Variants in SLC25A53 observed in about 807,000 individuals in gnomAD.
SLC25A53 encodes the protein mitochondrial carrier triple repeat protein 6.
A neutral mutation model predicts 15.0 loss-of-function variants in SLC25A53; 5 were observed. The observed-to-expected ratio is 0.33, with a 90% CI of 0.17 to 0.70. SLC25A53 has a LOEUF of 0.70. SLC25A53 is among the 30% of genes least tolerant of loss of function. The pLI, the probability that SLC25A53 is intolerant of heterozygous loss-of-function variation, is 0.67. For missense variants in SLC25A53, 216 were observed against 241.6 expected, an observed-to-expected ratio of 0.89 and a Z score of 0.70; for synonymous variants, 95 against 100.0, an observed-to-expected ratio of 0.95 and a Z score of 0.30.
At chrX:104,138,547 T>G (rs2075442752) in intron 1 of SLC25A53, among the ~76,000 whole-genome samples, 1 of 112,628 alleles carries the variant, frequency 8.9e-6, no homozygotes, top group Admixed American at 9.3e-5. Context: ...TTTAGCTGCC[T>G]GTAGGCAGCT....
chrX:104,114,803 G>C, intron 1 of SLC25A53: 1 of 1,210,644 alleles, frequency 8.3e-7, no homozygotes, highest in Non-Finnish European at 1.1e-6. Context: ...AAACGGAAGC[G>C]GCCGAAAAGG....
chrX:104,103,375 G>A lies in SLC25A53; in HGVS notation c.*959C>T, dbSNP rs2075290152. On this transcript the variant is annotated 3_prime_UTR_variant, in exon 2 of 2. Transcript: ENST00000594199. ...AGAGAACAATAGTTCATTATGGCTA[G>A]TGTTTGGGGTTTATGTAAGTGGAGT... 9.0e-6 allele frequency: 1 copy of A among 111,675 alleles called. No individual in the cohort carries two copies. Among genetic ancestry groups the A allele is most frequent in the Non-Finnish European group, 1.9e-5 (1 of 53,195 alleles). The allele number at this position is 111,675 out of a possible 1,213,427, so 9.2% of individuals were successfully genotyped here. A position where few individuals can be genotyped will look rare whatever the true frequency, so the allele number is the denominator to read the frequency against.
intron 1 of SLC25A53, among the ~76,000 whole-genome samples, chrX:104,156,385 G>A (rs1241559355): frequency 9.0e-6 from 1 of 111,214 alleles, no homozygotes; most frequent in African/African-American, 3.3e-5. Flanking sequence ...CGAGGAAAAA[G>A]CCTAATTCCT....
intron 1 of SLC25A53, chrX:104,113,876 G>A: frequency 2.3e-6 from 1 of 428,433 alleles, no homozygotes; most frequent in Non-Finnish European, 3.9e-6. Flanking sequence ...GTATTGTTAA[G>A]GCACTGGGCA....
At chrX:104,139,176 T>C (rs943371394) in intron 1 of SLC25A53, among the ~76,000 whole-genome samples, 1 of 112,442 alleles carries the variant, frequency 8.9e-6, no homozygotes, top group Admixed American at 9.4e-5. Context: ...TGAGCTGAAA[T>C]GGTACCACTG....
intron 1 of SLC25A53, chrX:104,114,166 C>T (rs782070227): frequency 9.9e-6 from 12 of 1,207,963 alleles, no homozygotes; most frequent in Admixed American, 2.2e-5. Context: ...TGCACCTTTG[C>T]CGCCTTGGGC....
chrX:104,142,920 CAAAA>C (rs1216011123), intron 1 of SLC25A53, among the ~76,000 whole-genome samples: 1 of 33,961 alleles, frequency 2.9e-5, no homozygotes. Context: ...GACTCCATCT[CAAAA>C]AAAAAAAAAA....
At chrX:104,142,994 C>A (rs1481232635) in intron 1 of SLC25A53, among the ~76,000 whole-genome samples, 1 of 109,218 alleles carries the variant, frequency 9.2e-6, no homozygotes, top group South Asian at 3.9e-4. Flanking sequence ...CTGGAGTGGA[C>A]CTCCAGTAAA....
At chrX:104,118,626 G>C (rs1476646082) in intron 1 of SLC25A53, among the ~76,000 whole-genome samples, 1 of 112,350 alleles carries the variant, frequency 8.9e-6, no homozygotes, top group African/African-American at 3.2e-5. Context: ...ACATATTTCA[G>C]ATGATGAAAC....
intron 1 of SLC25A53, among the ~76,000 whole-genome samples, chrX:104,123,157 C>T (rs1556363279): frequency 8.9e-6 from 1 of 112,507 alleles, no homozygotes. Context: ...TTACCTAAAC[C>T]GTCCCTCCCA....
intron 1 of SLC25A53, among the ~76,000 whole-genome samples, chrX:104,147,305 A>T (rs1490785807): frequency 9.0e-6 from 1 of 111,201 alleles, no homozygotes; most frequent in African/African-American, 3.3e-5. Context: ...AATTAATTCA[A>T]GATGGATTAA....
intron 1 of SLC25A53, among the ~76,000 whole-genome samples, chrX:104,116,990 C>G (rs1331845625): frequency 2.1e-5 from 2 of 97,168 alleles, no homozygotes; most frequent in Non-Finnish European, 4.1e-5. Context: ...CTCATTCATA[C>G]CCCCCTGCTC....
Position 104,103,568 on chromosome X carries a change from T to A in SLC25A53, c.*766A>T, listed in dbSNP as rs2075290978. 8.9e-6 allele frequency: 1 copy of A among 112,179 alleles called. No homozygotes were observed. Among genetic ancestry groups the A allele is most frequent in the South Asian group, 3.7e-4 (1 of 2,678 alleles). The allele number at this position is 112,179 out of a possible 1,213,427, so 9.2% of individuals were successfully genotyped here. On this transcript the variant is annotated 3_prime_UTR_variant, in exon 2 of 2. Transcript: ENST00000594199. ...TCACTTCCAGGTTTCTTAGGGAAAC[T>A]CAAACGGTTTCTAGGCAATGTTATC... is the stretch of plus-strand genomic sequence containing the variant.
At chrX:104,115,613 G>A in intron 1 of SLC25A53, 1 of 259,096 alleles carries the variant, frequency 3.9e-6, no homozygotes, top group Non-Finnish European at 7.2e-6. Flanking sequence ...CAAAAATAAA[G>A]GAAGATACAA....
chrX:104,150,384 C>G (rs1257066617), intron 1 of SLC25A53, among the ~76,000 whole-genome samples: 5 of 111,501 alleles, frequency 4.5e-5, no homozygotes, highest in African/African-American at 1.6e-4. Context: ...GTGCTGATCA[C>G]TCTGGAGGAA....
In SLC25A53 at chrX:104,105,086, G is replaced by A. The variant is rs781973853; in HGVS notation, c.172C>T (p.His58Tyr). 1 of 1,212,307 alleles carries A rather than the reference G, an allele frequency of 8.2e-7. No homozygotes were observed. Among genetic ancestry groups the A allele is most frequent in the South Asian group, 1.8e-5 (1 of 57,029 alleles). ...IYKVVFRQQI[H>Y]AMAVSEAVRQ... ...ACAGCCTCTGACACTGCCATGGCAT[G>A]GATCTGTTGCCGGAACACAACCTTA... Residue 58 changes from histidine to tyrosine, a missense_variant, in exon 2 of 2, where the codon CAT (histidine) becomes TAT (tyrosine). Physicochemically the swap from His to Tyr is moderately conservative, Grantham distance 83. Transcript: ENST00000594199.
intron 1 of SLC25A53, among the ~76,000 whole-genome samples, chrX:104,130,435 A>C (rs1438858303): frequency 9.0e-6 from 1 of 111,558 alleles, no homozygotes; most frequent in African/African-American, 3.3e-5. Flanking sequence ...TGAGTCAGCA[A>C]TCCAGAGAAA....
chrX:104,145,507 T>C (rs782030280), intron 1 of SLC25A53, among the ~76,000 whole-genome samples: 190 of 111,136 alleles, frequency 1.7e-3, no homozygotes, highest in Non-Finnish European at 2.8e-3. Context: ...TTCAAAAAAA[T>C]CAATGAACCC....
Position 104,099,976 on chromosome X carries a change from C to T in SLC25A53, c.*4358G>A, listed in dbSNP as rs1475775476. 3.6e-4 allele frequency: 40 copies of T among 111,843 alleles called. No individual in the cohort carries two copies. The highest frequency in any genetic ancestry group is 1.3e-3 in the African/African-American group (40 of 30,749). The allele number at this position is 111,843 out of a possible 1,213,427, so 9.2% of individuals were successfully genotyped here. On this transcript the variant is annotated 3_prime_UTR_variant, in exon 2 of 2. Coordinates refer to ENST00000594199, the MANE Select transcript of SLC25A53 (RefSeq NM_001012755.5). ...AGATGATATGAAAGAACCAGAGACACTGGAGAGTGAACAGACTAGAGAAAT... is the reference window on the plus strand; with the variant it reads ...AGATGATATGAAAGAACCAGAGACATTGGAGAGTGAACAGACTAGAGAAAT...
Sources: gnomAD v4.1 joint callset for allele counts (sites outside exome capture counted in the v4.1 genomes callset) on GRCh38, gnomAD v4.1.1 for gene constraint, MANE v1.5 for transcripts, NCBI Gene and HGNC (gene_info 2026-07-23, HGNC 2026-07-21) for gene names.